TENM2: variants seen among roughly 807,000 people sequenced by gnomAD.
TENM2 encodes teneurin transmembrane protein 2.
Under a neutral mutation model 245.2 loss-of-function variants are expected in TENM2, and 52 were observed. The ratio of observed to expected loss-of-function variants is 0.21; its 90% CI spans 0.17 to 0.27. TENM2 has a LOEUF of 0.27. Among genes scored for constraint, TENM2 ranks in the 10% least tolerant of loss-of-function variants. The pLI is 1.00. For missense variants in TENM2, 3,046 were observed against 3,666.8 expected, an observed-to-expected ratio of 0.83 and a Z score of 4.37; for synonymous variants, 1,363 against 1,438.9, an observed-to-expected ratio of 0.95 and a Z score of 1.19.
chr5:167,799,860 C>T (rs1765580777), intron 2 of TENM2, among the ~76,000 whole-genome samples: 2 of 152,240 alleles, frequency 1.3e-5, no homozygotes, highest in African/African-American at 2.4e-5. Flanking sequence ...TTATCAGACT[C>T]ATGGGAGATG....
chr5:167,819,141 T>G (rs1230897096), intron 2 of TENM2, among the ~76,000 whole-genome samples: 4 of 152,130 alleles, frequency 2.6e-5, no homozygotes, highest in African/African-American at 9.7e-5. Context: ...AAGTCCTGCT[T>G]CTTCCTGCAC....
the TENM2 span, among the ~76,000 whole-genome samples, chr5:167,007,718 C>G: frequency 2.0e-5 from 3 of 152,168 alleles, no homozygotes; most frequent in Non-Finnish European, 2.9e-5. This position sits in a 1 kb window ranked among gnomAD's most constrained non-coding sequence, Gnocchi z 4.2. Context: ...ATATAGTGCT[C>G]AACCCTATAG....
intron 2 of TENM2, among the ~76,000 whole-genome samples, chr5:167,800,408 G>A (rs1314234880): frequency 6.6e-6 from 1 of 152,212 alleles, no homozygotes. Context: ...AAGACCAGAT[G>A]TGATAGGATT....
intron 2 of TENM2, among the ~76,000 whole-genome samples, chr5:167,659,064 G>A (rs1755036439): frequency 6.6e-6 from 1 of 152,136 alleles, no homozygotes; most frequent in South Asian, 2.1e-4. Context: ...AAATTTGGTT[G>A]CAAAATAACA....
chr5:167,337,766 G>A (rs1349819375), intron 1 of TENM2, among the ~76,000 whole-genome samples: 1 of 152,074 alleles, frequency 6.6e-6, no homozygotes, highest in South Asian at 2.1e-4. Flanking sequence ...GTCAAGGAGT[G>A]GTATGACAAA....
At chr5:168,236,628 C>T (rs1370257669) in intron 25 of TENM2, among the ~76,000 whole-genome samples, 1 of 152,058 alleles carries the variant, frequency 6.6e-6, no homozygotes, top group Non-Finnish European at 1.5e-5. Context: ...CATTACCACA[C>T]TAAAAATGGT....
At chr5:167,580,916 G>A (rs1582446325) in intron 2 of TENM2, among the ~76,000 whole-genome samples, 1 of 152,228 alleles carries the variant, frequency 6.6e-6, no homozygotes, top group Non-Finnish European at 1.5e-5. Flanking sequence ...TTGAACCCAG[G>A]AGGCGGACGT....
At chr5:167,799,702 A>G (rs745876470) in intron 2 of TENM2, among the ~76,000 whole-genome samples, 7 of 152,172 alleles carry the variant, frequency 4.6e-5, no homozygotes, top group Non-Finnish European at 1.0e-4. Context: ...GGGTCTTGAA[A>G]CTGTGGCAGA....
the TENM2 span, among the ~76,000 whole-genome samples, chr5:167,250,182 A>G: frequency 1.3e-5 from 2 of 152,068 alleles, no homozygotes; most frequent in Admixed American, 1.3e-4. Context: ...TTAGCCAGCC[A>G]TGGTGGTGAA....
chr5:167,236,802 A>T, the TENM2 span, among the ~76,000 whole-genome samples: 2 of 151,808 alleles, frequency 1.3e-5, no homozygotes, highest in Non-Finnish European at 2.9e-5. Flanking sequence ...ACAAGAATAT[A>T]TTCTTTCTTT....
At chr5:167,608,519 C>T (rs562696865) in intron 2 of TENM2, among the ~76,000 whole-genome samples, 1 of 152,234 alleles carries the variant, frequency 6.6e-6, no homozygotes, top group East Asian at 1.9e-4. Flanking sequence ...ATTGCTATCA[C>T]AGCACGTTTG....
chr5:167,740,084 TG>T (rs1282824915), intron 2 of TENM2, among the ~76,000 whole-genome samples: 1 of 152,240 alleles, frequency 6.6e-6, no homozygotes, highest in Non-Finnish European at 1.5e-5. Context: ...GCTTGCTTAC[TG>T]CACTCAAAAA....
intron 2 of TENM2, among the ~76,000 whole-genome samples, chr5:167,719,749 G>C (rs1296071834): frequency 6.6e-6 from 1 of 152,218 alleles, no homozygotes; most frequent in Non-Finnish European, 1.5e-5. Context: ...ATGTTGCCCT[G>C]TCTGGTGATG....
chr5:167,426,816 GA>G (rs1042804084), intron 2 of TENM2, among the ~76,000 whole-genome samples: 2 of 150,784 alleles, frequency 1.3e-5, no homozygotes, highest in East Asian at 1.9e-4. Context: ...AATTCTAGAA[GA>G]AAAAAAAATC....
At chr5:168,154,156 A>AAAC (rs999821643) in intron 12 of TENM2, among the ~76,000 whole-genome samples, 1 of 150,530 alleles carries the variant, frequency 6.6e-6, no homozygotes, top group African/African-American at 2.4e-5. Context: ...TTAAAAAAAA[A>AAAC]AAAAAAAAAA....
chr5:168,081,339 A>G (rs560879954), intron 7 of TENM2, among the ~76,000 whole-genome samples: 6 of 151,920 alleles, frequency 3.9e-5, no homozygotes, highest in Non-Finnish European at 8.8e-5. Context: ...TGCATGTGGG[A>G]TGGGTCTCCT....
chr5:167,396,474 G>A (rs1762059742), intron 2 of TENM2, among the ~76,000 whole-genome samples: 1 of 152,118 alleles, frequency 6.6e-6, no homozygotes, highest in Non-Finnish European at 1.5e-5. Context: ...AAAATGGGAA[G>A]TTGTTGATTA....
At chr5:168,002,750 G>A (rs1417909917) in intron 5 of TENM2, among the ~76,000 whole-genome samples, 2 of 152,184 alleles carry the variant, frequency 1.3e-5, no homozygotes, top group Non-Finnish European at 2.9e-5. Flanking sequence ...TTAATTTTAT[G>A]TTAATTAATT....
chr5:167,487,341 A>ATG (rs1491260871), intron 2 of TENM2, among the ~76,000 whole-genome samples: 13 of 151,822 alleles, frequency 8.6e-5, no homozygotes, highest in South Asian at 2.1e-4. Flanking sequence ...ATAGATTTGC[A>ATG]TGTGTGTGTG....
Sources: gnomAD v4.1 joint callset for allele counts (sites outside exome capture counted in the v4.1 genomes callset) on GRCh38, gnomAD v4.1.1 for gene constraint, Gnocchi (gnomAD v3.1) non-coding constraint, MANE v1.5 for transcripts, NCBI Gene and HGNC (gene_info 2026-07-23, HGNC 2026-07-21) for gene names.